The following SEMA5A variants were observed in gnomAD, a reference collection of about 807,000 sequenced individuals.
The protein encoded by SEMA5A is semaphorin-5A.
SEMA5A carries 55 observed loss-of-function variants against 135.5 expected under a neutral mutation model. The observed-to-expected ratio is 0.41, with a 90% CI of 0.33 to 0.51. The LOEUF is 0.51. SEMA5A is among the 20% of genes least tolerant of loss of function. SEMA5A has a pLI of 0.37. For missense variants in SEMA5A, 1,290 were observed against 1,419.9 expected, an observed-to-expected ratio of 0.91 and a Z score of 1.47; for synonymous variants, 580 against 546.5, an observed-to-expected ratio of 1.06 and a Z score of -0.85.
chr5:9,126,761 G>C (rs959981), intron 13 of SEMA5A, among the ~76,000 whole-genome samples: 6,186 of 152,212 alleles, frequency 0.041, 449 homozygotes, highest in African/African-American at 0.14. Flanking sequence ...TCCTGAGAGG[G>C]GGTCTCGGAC....
In SEMA5A at chr5:9,407,996, T is replaced by TCATCACCATCACCAC. The variant is rs1554032169; in HGVS notation, c.-77-27974_-77-27973insGTGGTGATGGTGATG. On this transcript the variant is annotated intron_variant, in intron 2 of 22. Coordinates refer to ENST00000382496, the MANE Select transcript of SEMA5A (RefSeq NM_003966.3). ...ATTGCCACCATCACTACTACTGCCA[T>TCATCACCATCACCAC]CATCACCATCACTACCAACACCACA... 4.1e-5 allele frequency among the ~76,000 whole-genome samples: 6 copies of TCATCACCATCACCAC among 146,496 alleles called. No homozygotes were observed. In the South Asian group the frequency reaches 6.4e-4, roughly 16 times the overall value.
At chr5:9,222,491 C>T (rs912538710) in intron 8 of SEMA5A, among the ~76,000 whole-genome samples, 2 of 151,948 alleles carry the variant, frequency 1.3e-5, no homozygotes, top group South Asian at 2.1e-4. Flanking sequence ...TGGGGGAGGG[C>T]GGTGGAAATG....
chr5:9,156,896 A>T (rs575096063), intron 11 of SEMA5A, among the ~76,000 whole-genome samples: 110 of 152,268 alleles, frequency 7.2e-4, no homozygotes, highest in African/African-American at 2.6e-3. Flanking sequence ...TTGTGGAAAG[A>T]ATCAAATTTT....
At chr5:9,064,993 A>G (rs1405202604) in intron 17 of SEMA5A, among the ~76,000 whole-genome samples, 1 of 152,204 alleles carries the variant, frequency 6.6e-6, no homozygotes, top group African/African-American at 2.4e-5. Context: ...TCTCTTCTAA[A>G]TACAGCAAGA....
intron 16 of SEMA5A, among the ~76,000 whole-genome samples, chr5:9,107,924 A>T (rs1740009754): frequency 6.6e-6 from 1 of 152,120 alleles, no homozygotes; most frequent in South Asian, 2.1e-4. Context: ...GTATCTGGAG[A>T]GCATAAGGTG....
chr5:9,330,855 T>C (rs188184650), intron 4 of SEMA5A, among the ~76,000 whole-genome samples: 1 of 152,288 alleles, frequency 6.6e-6, no homozygotes, highest in Non-Finnish European at 1.5e-5. Flanking sequence ...TGGAGGTTCA[T>C]AAAGATTTGA....
chr5:9,221,452 A>G (rs40673), intron 8 of SEMA5A, among the ~76,000 whole-genome samples: 88,487 of 147,006 alleles, frequency 0.6, 27,100 homozygotes, highest in East Asian at 0.73. Context: ...ACAGGCGCCC[A>G]CCACCACGCC....
At chr5:9,400,882 TTTA>T (rs1756631889) in intron 2 of SEMA5A, among the ~76,000 whole-genome samples, 1 of 152,170 alleles carries the variant, frequency 6.6e-6, no homozygotes. Context: ...ACAATTATAA[TTTA>T]TTATAATTTA....
intron 16 of SEMA5A, among the ~76,000 whole-genome samples, chr5:9,105,178 G>T (rs940370878): frequency 6.6e-6 from 1 of 152,172 alleles, no homozygotes; most frequent in Non-Finnish European, 1.5e-5. Context: ...TTTTGACATT[G>T]AGCAATTTAC....
intron 2 of SEMA5A, among the ~76,000 whole-genome samples, chr5:9,402,226 A>T (rs1247835869): frequency 6.6e-6 from 1 of 152,214 alleles, no homozygotes; most frequent in Middle Eastern, 3.2e-3. Context: ...ATCACAGAGC[A>T]ATAAAGGATT....
chr5:9,148,749 T>G (rs1190080678), intron 12 of SEMA5A, among the ~76,000 whole-genome samples: 2 of 152,178 alleles, frequency 1.3e-5, no homozygotes, highest in African/African-American at 2.4e-5. Context: ...AGACAGAGTC[T>G]CACTCTGTCG....
chr5:9,340,152 C>T (rs971058913), intron 3 of SEMA5A, among the ~76,000 whole-genome samples: 12 of 152,164 alleles, frequency 7.9e-5, no homozygotes, highest in Non-Finnish European at 1.2e-4. Context: ...TGTTAAACAT[C>T]GCTAAGACCT....
At chr5:9,481,239 C>T (rs2126778728) in intron 1 of SEMA5A, among the ~76,000 whole-genome samples, 2 of 152,264 alleles carry the variant, frequency 1.3e-5, no homozygotes, top group Middle Eastern at 6.8e-3. Flanking sequence ...AGCCACCATG[C>T]CCGGCCCAAA....
intron 5 of SEMA5A, among the ~76,000 whole-genome samples, chr5:9,284,470 C>G (rs142031863): frequency 1.3e-5 from 2 of 152,142 alleles, no homozygotes; most frequent in African/African-American, 4.8e-5. Context: ...AGAAGGCAAC[C>G]GTTTGGGAGT....
At chr5:9,177,955 C>A (rs950117004) in intron 11 of SEMA5A, among the ~76,000 whole-genome samples, 5 of 152,116 alleles carry the variant, frequency 3.3e-5, no homozygotes, top group Admixed American at 2.0e-4. Flanking sequence ...AACACCTTGG[C>A]AGAACTTATA....
chr5:9,211,685 G>A (rs1267276842), intron 8 of SEMA5A, among the ~76,000 whole-genome samples: 1 of 152,152 alleles, frequency 6.6e-6, no homozygotes, highest in African/African-American at 2.4e-5. Context: ...CTTGACTTAA[G>A]CACGGAGGAG....
intron 11 of SEMA5A, among the ~76,000 whole-genome samples, chr5:9,178,958 T>C (rs1744356382): frequency 1.3e-5 from 2 of 152,238 alleles, no homozygotes. Context: ...ACATTAGACA[T>C]GTCTCATGAA....
chr5:9,054,032 T>C, intron 19 of SEMA5A, 55 bp downstream of exon 19: 1 of 1,541,144 alleles, frequency 6.5e-7, no homozygotes, highest in African/African-American at 1.4e-5. Flanking sequence ...ATTTATCCAT[T>C]AAGGAAAGAG....
intron 8 of SEMA5A, among the ~76,000 whole-genome samples, chr5:9,206,858 G>A (rs944624456): frequency 1.3e-5 from 2 of 150,428 alleles, no homozygotes; most frequent in Non-Finnish European, 3.0e-5. Flanking sequence ...TGTTGCATCT[G>A]ACAATCAGAC....
Sources: gnomAD v4.1 joint callset for allele counts (sites outside exome capture counted in the v4.1 genomes callset) on GRCh38, gnomAD v4.1.1 for gene constraint, MANE v1.5 for transcripts, NCBI Gene and HGNC (gene_info 2026-07-23, HGNC 2026-07-21) for gene names.